The following MAML3 variants were observed in gnomAD, a reference collection of about 807,000 sequenced individuals.
The protein encoded by MAML3 is mastermind-like protein 3.
A neutral mutation model predicts 101.9 loss-of-function variants in MAML3; 27 were observed. That is an observed-to-expected ratio of 0.27 (90% CI 0.20 to 0.37). The LOEUF is 0.37. Among genes scored for constraint, MAML3 ranks in the 10% least tolerant of loss-of-function variants. The probability of loss-of-function intolerance (pLI) is 1.00; values close to 1 mark genes in which losing one functional copy is unlikely to be tolerated. For missense variants in MAML3, 1,316 were observed against 1,444.9 expected, an observed-to-expected ratio of 0.91 and a Z score of 1.45; for synonymous variants, 501 against 555.9, an observed-to-expected ratio of 0.90 and a Z score of 1.39.
At chr4:139,932,138 C>T (rs1226851661) in intron 1 of MAML3, among the ~76,000 whole-genome samples, 1 of 151,360 alleles carries the variant, frequency 6.6e-6, no homozygotes. Flanking sequence ...ATAAAAGGTA[C>T]TCAATTCTTA....
chr4:140,093,940 C>T (rs1036437062), intron 1 of MAML3, among the ~76,000 whole-genome samples: 3 of 152,196 alleles, frequency 2.0e-5, no homozygotes, highest in Admixed American at 6.5e-5. Context: ...GCATGATCCC[C>T]CTGACATTCC....
At chr4:139,838,802 C>A (rs965016638) in intron 2 of MAML3, among the ~76,000 whole-genome samples, 1 of 152,108 alleles carries the variant, frequency 6.6e-6, no homozygotes, top group African/African-American at 2.4e-5. Flanking sequence ...ATAAAACACG[C>A]ACTGCCACTT....
chr4:140,085,378 G>A (rs535796608), intron 1 of MAML3, among the ~76,000 whole-genome samples: 6 of 152,172 alleles, frequency 3.9e-5, no homozygotes, highest in African/African-American at 1.4e-4. Context: ...CAGAGCGCAG[G>A]CCCCAGGGCA....
intron 1 of MAML3, among the ~76,000 whole-genome samples, chr4:140,047,264 T>G (rs1031509990): frequency 3.9e-5 from 6 of 151,996 alleles, no homozygotes; most frequent in African/African-American, 1.5e-4. Flanking sequence ...AGTGCAGATT[T>G]GGGGGGAACG....
chr4:139,734,726 T>C (rs781283082), intron 2 of MAML3, among the ~76,000 whole-genome samples: 3 of 152,248 alleles, frequency 2.0e-5, no homozygotes, highest in Non-Finnish European at 4.4e-5. Flanking sequence ...TATTTATAAA[T>C]CTGTGCGTAG....
At chr4:139,820,882 TC>T (rs1277541020) in intron 2 of MAML3, among the ~76,000 whole-genome samples, 1 of 152,190 alleles carries the variant, frequency 6.6e-6, no homozygotes, top group Non-Finnish European at 1.5e-5. Flanking sequence ...CTAATTATGT[TC>T]TTAGGAAAAC....
intron 2 of MAML3, among the ~76,000 whole-genome samples, chr4:139,738,814 G>C (rs540157714): frequency 4.6e-5 from 7 of 152,196 alleles, no homozygotes; most frequent in African/African-American, 1.7e-4. Flanking sequence ...TTAATATTTT[G>C]ATGTGTTTTT....
chr4:139,769,941 A>G (rs1729942820), intron 2 of MAML3, among the ~76,000 whole-genome samples: 2 of 140,278 alleles, frequency 1.4e-5, no homozygotes, highest in African/African-American at 5.5e-5. Flanking sequence ...TTTTTTAAAG[A>G]CACAGTCTCC....
intron 2 of MAML3, among the ~76,000 whole-genome samples, chr4:139,787,731 A>G (rs1360179110): frequency 6.6e-6 from 1 of 152,252 alleles, no homozygotes; most frequent in Non-Finnish European, 1.5e-5. Context: ...AAATTATTTT[A>G]CTATGAGTTC....
intron 1 of MAML3, among the ~76,000 whole-genome samples, chr4:139,939,459 T>C (rs148172836): frequency 6.6e-6 from 1 of 152,110 alleles, no homozygotes; most frequent in African/African-American, 2.4e-5. Flanking sequence ...CTGATCTCAG[T>C]GTCTAGAATG....
Position 139,719,882 on chromosome 4 carries a change from A to G in MAML3, c.2858T>C (p.Met953Thr). The G allele has an allele frequency of 1.2e-6, 2 of 1,613,968 alleles. No individual in the cohort carries two copies. Among genetic ancestry groups the G allele is most frequent in the Non-Finnish European group, 1.7e-6 (2 of 1,179,886 alleles). Reference protein sequence around the residue: ...PQAPPRLQSLMGTVQQGAQSW... With the variant: ...PQAPPRLQSLTGTVQQGAQSW... ...TTGTGCTCCTTGCTGGACTGTTCCCATAAGGCTCTGCAGCCTTGGAGGGGC... is the reference window on the plus strand; with the variant it reads ...TTGTGCTCCTTGCTGGACTGTTCCCGTAAGGCTCTGCAGCCTTGGAGGGGC... The change falls in exon 5 of 5, where the codon ATG becomes ACG. Residue 953 changes from methionine (M) to threonine (T), a missense_variant. By Grantham distance (81) the Met-to-Thr change is moderately conservative (BLOSUM62 -1). Coordinates refer to ENST00000509479, the MANE Select transcript of MAML3 (RefSeq NM_018717.5).
At chr4:140,152,745 C>T (rs1729196960) in intron 1 of MAML3, 115 bp downstream of exon 1, 12 of 1,476,290 alleles carry the variant, frequency 8.1e-6, no homozygotes, top group East Asian at 7.1e-5. Context: ...TTCAGCCCAC[C>T]TCACCCACCG....
chr4:139,837,901 C>G (rs1240332279), intron 2 of MAML3, among the ~76,000 whole-genome samples: 1 of 151,964 alleles, frequency 6.6e-6, no homozygotes, highest in African/African-American at 2.4e-5. Flanking sequence ...GCCTGTGCTA[C>G]AGAGTGAGAC....
chr4:140,021,514 T>C (rs976968914), intron 1 of MAML3, among the ~76,000 whole-genome samples: 2 of 152,228 alleles, frequency 1.3e-5, no homozygotes, highest in East Asian at 3.9e-4. Context: ...AGGTTCAAAG[T>C]AGCTAAGTAA....
chr4:139,944,218 G>A (rs1462313801), intron 1 of MAML3, among the ~76,000 whole-genome samples: 7 of 151,770 alleles, frequency 4.6e-5, no homozygotes, highest in African/African-American at 1.7e-4. Flanking sequence ...TAAGGTACAT[G>A]TGCACATTGT....
At chr4:139,968,084 G>C (rs1263045277) in intron 1 of MAML3, among the ~76,000 whole-genome samples, 1 of 151,892 alleles carries the variant, frequency 6.6e-6, no homozygotes, top group Non-Finnish European at 1.5e-5. Flanking sequence ...TTCGAGACCA[G>C]CCTGGCCAGC....
intron 1 of MAML3, among the ~76,000 whole-genome samples, chr4:140,008,517 C>A (rs1410387564): frequency 2.6e-5 from 4 of 152,198 alleles, no homozygotes; most frequent in Admixed American, 6.5e-5. Flanking sequence ...TCCCTTTTGA[C>A]ATTGGTCCCT....
At chr4:139,809,236 A>C (rs941366666) in intron 2 of MAML3, among the ~76,000 whole-genome samples, 1 of 152,204 alleles carries the variant, frequency 6.6e-6, no homozygotes, top group East Asian at 1.9e-4. Context: ...GCCAGAACTT[A>C]AGGTAGGCAA....
chr4:139,806,615 G>A (rs911140767), intron 2 of MAML3, among the ~76,000 whole-genome samples: 2 of 152,054 alleles, frequency 1.3e-5, no homozygotes, highest in African/African-American at 4.8e-5. Flanking sequence ...TCTACACTAT[G>A]AAAACAGTCA....
Sources: gnomAD v4.1 joint callset for allele counts (sites outside exome capture counted in the v4.1 genomes callset) on GRCh38, gnomAD v4.1.1 for gene constraint, MANE v1.5 for transcripts, NCBI Gene and HGNC (gene_info 2026-07-23, HGNC 2026-07-21) for gene names.